The following ME3 variants were observed in gnomAD, a reference collection of about 807,000 sequenced individuals.
ME3 encodes the protein malic enzyme 3, also known as NADP-dependent malic enzyme, mitochondrial.
A neutral mutation model predicts 68.9 loss-of-function variants in ME3; 48 were observed. The ratio of observed to expected loss-of-function variants is 0.70; its 90% CI spans 0.55 to 0.89. The LOEUF is 0.89. Among genes scored for constraint, ME3 ranks in the 40% least tolerant of loss-of-function variants. The pLI is 0.00. For missense variants in ME3, 675 were observed against 797.4 expected (o/e 0.85, Z 1.85); for synonymous variants, 320 against 318.8 (o/e 1.00, Z -0.04).
chr11:86,558,239 A>G (rs539752075), intron 3 of ME3, among the ~76,000 whole-genome samples: 15 of 152,252 alleles, frequency 9.9e-5, no homozygotes, highest in Non-Finnish European at 1.8e-4. Flanking sequence ...TTTCTTCTTT[A>G]TAAATTTAAC....
At position 86,509,997 on chromosome 11, in the gene ME3, A is replaced by G. The variant is rs942569690; in HGVS notation, c.468-1130T>C. On this transcript the variant is annotated intron_variant, in intron 4 of 14. Coordinates refer to ENST00000543262, the Ensembl canonical transcript of ME3. The stretch of plus-strand genomic sequence containing the variant: ...ATATGTAAGAAATTTTCCATAATAA[A>G]AAAATTAAAACAAAATAAAACACCA... Among the ~76,000 whole-genome samples, 6 of 152,212 alleles carry G rather than the reference A, an allele frequency of 3.9e-5. 1 individual carries two copies. Among genetic ancestry groups the G allele is most frequent in the Admixed American group, 3.9e-4 (6 of 15,282 alleles).
rs994263632 is a variant in ME3 at position 86,579,032 on chromosome 11, T to A, written c.184-19209A>T. Among the ~76,000 whole-genome samples, 213 of 152,174 alleles carry A rather than the reference T, an allele frequency of 1.4e-3. 1 individual carries two copies. Among genetic ancestry groups the A allele is most frequent in the Non-Finnish European group, 2.4e-3 (166 of 68,026 alleles). ...GTTCTATTTCACCTTGTTGGCTCAT[T>A]AATTCATTCATATTAAATGAATTAT... On this transcript the variant is annotated intron_variant, in intron 2 of 14. Transcript: ENST00000543262.
chr11:86,489,869 C>T (rs1294595446), intron 6 of ME3, among the ~76,000 whole-genome samples: 2 of 152,144 alleles, frequency 1.3e-5, no homozygotes, highest in Non-Finnish European at 2.9e-5. Flanking sequence ...TCATCTATTT[C>T]TCAAAGGACC....
chr11:86,635,095 A>C lies in ME3; in HGVS notation c.183+36667T>G, dbSNP rs528937016. Among the ~76,000 whole-genome samples the C allele has an allele frequency of 6.6e-5, 10 of 152,336 alleles. No homozygotes were observed. In the South Asian group the frequency reaches 1.4e-3, roughly 22 times the overall value. On this transcript the variant is annotated intron_variant, in intron 2 of 14. Transcript: ENST00000543262. ...CAAGGCAGATGGACCGTTTGAGCCCAGGAGTTCCAGACCAGCCTGGGCAAC... is the reference window on the plus strand; with the variant it reads ...CAAGGCAGATGGACCGTTTGAGCCCCGGAGTTCCAGACCAGCCTGGGCAAC...
In ME3 at chr11:86,585,445, G is replaced by T. The variant is rs192172439; in HGVS notation, c.184-25622C>A. Among the ~76,000 whole-genome samples, 188 of 152,252 alleles carry T rather than the reference G, an allele frequency of 1.2e-3. 2 individuals carry two copies. The highest frequency in any genetic ancestry group is 9.2e-3 in the Admixed American group (140 of 15,286). ...CAGGATCTGGTGATAGATGAGATTT[G>T]GGGGTTGAGTGAGAGAGAGGGGTCA... On this transcript the variant is annotated intron_variant, in intron 2 of 14. Transcript: ENST00000543262.
At position 86,594,188 on chromosome 11, in the gene ME3, G is replaced by A. The variant is rs149593371; in HGVS notation, c.184-34365C>T. 1.4e-5 allele frequency among the ~76,000 whole-genome samples: 2 copies of A among 146,692 alleles called. 1 individual carries two copies. Among genetic ancestry groups the A allele is most frequent in the African/African-American group, 5.0e-5 (2 of 40,026 alleles). ...CTGTCAAATCACTTTTAGAAAGGTC[G>A]AACTATTTTATAACTCCAGTACATA... is the stretch of plus-strand genomic sequence containing the variant. On this transcript the variant is annotated intron_variant, in intron 2 of 14. Coordinates refer to ENST00000543262, the Ensembl canonical transcript of ME3.
chr11:86,601,136 A>T (rs1484873335), intron 2 of ME3, among the ~76,000 whole-genome samples: 112 of 151,610 alleles, frequency 7.4e-4, no homozygotes, highest in Admixed American at 1.6e-3. Flanking sequence ...GACACAAAAA[A>T]CCCTTCAAAA....
chr11:86,601,928 A>G (rs1361674924), intron 2 of ME3, among the ~76,000 whole-genome samples: 1 of 144,186 alleles, frequency 6.9e-6, no homozygotes, highest in Non-Finnish European at 1.5e-5. Context: ...AACTCTCAAT[A>G]AATTAGGTAT....
chr11:86,517,851 G>A (rs1953997156), intron 4 of ME3, among the ~76,000 whole-genome samples: 1 of 152,182 alleles, frequency 6.6e-6, no homozygotes, highest in African/African-American at 2.4e-5. Context: ...TATGTGTTAG[G>A]TATGGTAAGT....
At chr11:86,481,179 A>G (rs1251905445) in intron 7 of ME3, among the ~76,000 whole-genome samples, 1 of 149,860 alleles carries the variant, frequency 6.7e-6, no homozygotes, top group East Asian at 1.9e-4. Flanking sequence ...GTAGCTGGCA[A>G]TAAAAGCGAG....
At chr11:86,609,723 A>G (rs954122890) in intron 2 of ME3, among the ~76,000 whole-genome samples, 2 of 152,226 alleles carry the variant, frequency 1.3e-5, no homozygotes, top group African/African-American at 2.4e-5. Flanking sequence ...AATATTGATT[A>G]CAAAATTGTA....
chr11:86,468,107 G>A (rs1465509994), intron 7 of ME3, among the ~76,000 whole-genome samples: 1 of 152,064 alleles, frequency 6.6e-6, no homozygotes, highest in Non-Finnish European at 1.5e-5. Flanking sequence ...TCTGACCACA[G>A]CCTTTCCTTC....
intron 2 of ME3, among the ~76,000 whole-genome samples, chr11:86,637,793 G>C (rs149449458): frequency 6.6e-6 from 1 of 152,256 alleles, no homozygotes; most frequent in African/African-American, 2.4e-5. Flanking sequence ...AGAAATTGGA[G>C]ATAAGGAAAA....
chr11:86,446,292 G>A, intron 13 of ME3, 22 bp downstream of exon 13: 1 of 1,612,718 alleles, frequency 6.2e-7, no homozygotes, highest in Non-Finnish European at 8.5e-7. Flanking sequence ...GCAAGCATTT[G>A]AGGGAGCAAG....
intron 8 of ME3, among the ~76,000 whole-genome samples, chr11:86,456,614 G>T (rs914398830): frequency 6.6e-6 from 1 of 152,106 alleles, no homozygotes; most frequent in Non-Finnish European, 1.5e-5. Flanking sequence ...CAGCAGGAGA[G>T]GTGTTATGGG....
intron 5 of ME3, among the ~76,000 whole-genome samples, chr11:86,506,514 A>C (rs1043544844): frequency 6.6e-6 from 1 of 152,184 alleles, no homozygotes; most frequent in African/African-American, 2.4e-5. Flanking sequence ...AATTGAGTCC[A>C]TGATCCCCTC....
chr11:86,510,053 A>T (rs1953401493), intron 4 of ME3, among the ~76,000 whole-genome samples: 1 of 152,122 alleles, frequency 6.6e-6, no homozygotes. Context: ...ACTGTTCTTG[A>T]CCTCCACATT....
chr11:86,553,482 G>C (rs1250014994), intron 4 of ME3, among the ~76,000 whole-genome samples: 9 of 151,742 alleles, frequency 5.9e-5, no homozygotes, highest in Non-Finnish European at 7.3e-5. Context: ...TCAGGGCTTG[G>C]GTGGAGCCCA....
downstream of ME3, among the ~76,000 whole-genome samples, chr11:86,439,676 G>A (rs1478270016): frequency 2.6e-5 from 4 of 152,200 alleles, no homozygotes; most frequent in Non-Finnish European, 4.4e-5. Context: ...AGTGTAATTT[G>A]TGTCTTCTTT....
Sources: allele counts gnomAD v4.1 joint callset (sites outside exome capture counted in the v4.1 genomes callset), GRCh38; gene constraint gnomAD v4.1.1; transcripts MANE v1.5; gene names NCBI Gene and HGNC (gene_info 2026-07-23, HGNC 2026-07-21).